KNSTRN: variants seen among roughly 807,000 people sequenced by gnomAD.
KNSTRN encodes kinetochore localized astrin (SPAG5) binding protein, also known as small kinetochore-associated protein.
A neutral mutation model predicts 44.7 loss-of-function variants in KNSTRN; 38 were observed. That is an observed-to-expected ratio of 0.85 (90% confidence interval 0.66 to 1.11). KNSTRN has a LOEUF of 1.11. Ranked by LOEUF, KNSTRN falls within the 50% of genes most tolerant of loss-of-function variation. The pLI is 0.00. For synonymous variants in KNSTRN, 158 were observed against 148.1 expected, an observed-to-expected ratio of 1.07 and a Z score of -0.48; for missense variants, 406 against 375.8, an observed-to-expected ratio of 1.08 and a Z score of -0.66.
chr15:40,391,991 G>GA lies in KNSTRN; in HGVS notation c.793dup (p.Thr265AsnfsTer33), dbSNP rs556621893. ...GCAAGAGGAGCTGAAGCTTTTTAAC[G>GA]AAACAGCCAAAAAGCAGATGGAGGA... is the stretch of plus-strand genomic sequence containing the variant. On this transcript the variant is annotated frameshift_variant, in exon 8 of 9. Coordinates refer to ENST00000249776, the MANE Select transcript of KNSTRN (RefSeq NM_033286.4). LOFTEE classifies it high-confidence loss of function. 1.2e-6 allele frequency: 2 copies of GA among 1,611,314 alleles called. No homozygotes were observed. Among genetic ancestry groups the GA allele is most frequent in the East Asian group, 2.2e-5 (1 of 44,592 alleles).
At chr15:40,389,476 C>T in intron 4 of KNSTRN, 30 bp from the exon 5 acceptor site, 8 of 1,556,550 alleles carry the variant, frequency 5.1e-6, no homozygotes, top group Non-Finnish European at 7.1e-6. Context: ...ACCCTTTTAT[C>T]TTTTCATGTA....
rs1473628997 is a variant in KNSTRN, at chr15:40,389,145, TTTTC to T, written c.486-353_486-350del. On this transcript the variant is annotated intron_variant, in intron 4 of 8. Transcript: ENST00000249776. ...GTTTGTGTAACTCTGTAGGCCGTAT[TTTTC>T]TTTCTTTTTTTTTTAGACGGAGTTT... 2.2e-5 allele frequency: 10 copies of T among 456,630 alleles called. 1 individual carries two copies. Among genetic ancestry groups the T allele is most frequent in the African/African-American group, 8.0e-5 (4 of 50,166 alleles). 28.3% of individuals were successfully genotyped at this position (456,630 alleles called of 1,614,324 possible). A position where few individuals can be genotyped will look rare whatever the true frequency, so the allele number is the denominator to read the frequency against.
chr15:40,389,977 T>G (rs1344567505), intron 6 of KNSTRN, 48 bp downstream of exon 6: 43 of 1,470,462 alleles, frequency 2.9e-5, no homozygotes, highest in Non-Finnish European at 3.9e-5. Context: ...TTGGTGCATG[T>G]GCCCCTTCCG....
At chr15:40,386,334 A>G in intron 2 of KNSTRN, 28 bp from the exon 3 acceptor site, 1 of 1,605,734 alleles carries the variant, frequency 6.2e-7, no homozygotes, top group Non-Finnish European at 8.5e-7. Context: ...ATGATGCCAG[A>G]AGCTTTACCT....
intron 2 of KNSTRN, among the ~76,000 whole-genome samples, chr15:40,385,933 C>T (rs1373868457): frequency 6.6e-6 from 1 of 152,178 alleles, no homozygotes; most frequent in Non-Finnish European, 1.5e-5. Context: ...AATTAATCTT[C>T]ACATGTTGAA....
At chr15:40,391,671 G>A (rs2141276291) in intron 7 of KNSTRN, 117 bp downstream of exon 7, 1 of 870,098 alleles carries the variant, frequency 1.1e-6, no homozygotes, top group Non-Finnish European at 1.8e-6. Flanking sequence ...GATTATCTGT[G>A]ATGCTAGAAA....
chr15:40,382,763 C>G lies in KNSTRN; in HGVS notation c.-73C>G. On this transcript the variant is annotated 5_prime_UTR_variant, in exon 1 of 9. Coordinates refer to ENST00000249776, the MANE Select transcript of KNSTRN (RefSeq NM_033286.4). ...CTACAAATTGCATCACCCTCCTCCT[C>G]TGCCCAGACCTGGGGGCTCCAACAC... 7.3e-7 allele frequency: 1 copy of G among 1,372,296 alleles called. No homozygotes were observed. Among genetic ancestry groups the G allele is most frequent in the Non-Finnish European group, 1.0e-6 (1 of 993,766 alleles). The allele number at this position is 1,372,296 out of a possible 1,614,324, so 85.0% of individuals were successfully genotyped here. A position where few individuals can be genotyped will look rare whatever the true frequency, so the allele number is the denominator to read the frequency against.
rs142745139 is a variant in KNSTRN, at chr15:40,393,698, C to T, written c.*101C>T. 338 of 1,103,116 alleles carry T rather than the reference C, an allele frequency of 3.1e-4. 1 individual carries two copies. The African/African-American group carries it at 4.5e-3, about 15-fold the overall frequency. 68.3% of individuals were successfully genotyped at this position (1,103,116 alleles called of 1,614,324 possible). A position where few individuals can be genotyped will look rare whatever the true frequency, so the allele number is the denominator to read the frequency against. On this transcript the variant is annotated 3_prime_UTR_variant, in exon 9 of 9. Transcript: ENST00000249776. ...CATGATCTTCTGGGACTCACCATCT[C>T]CAGAATGAAAACAATTTCTACAGTA...
chr15:40,383,136 C>T (rs1301429468), intron 1 of KNSTRN, 92 bp downstream of exon 1: 1 of 1,582,850 alleles, frequency 6.3e-7, no homozygotes, highest in African/African-American at 1.3e-5. Context: ...CAACCCCGAG[C>T]CGGGGCCTGT....
rs1243202656 is a variant in KNSTRN, at chr15:40,386,405, G to A, written c.348G>A (p.Arg116=). Residue 116 remains arginine, a synonymous_variant, in exon 3 of 9, where the codon AGG becomes AGA. Coordinates refer to ENST00000249776, the MANE Select transcript of KNSTRN (RefSeq NM_033286.4). The part of the protein sequence containing the change: ...RATSKSLLPV[R]SKEVDVSKQL... ...CTTCTAAGAGTCTCTTACCTGTTAG[G>A]TCCAAAGAAGTCGATGTTTCCAAAC... The A allele has an allele frequency of 5.6e-6, 9 of 1,614,066 alleles. No individual in the cohort carries two copies. Among genetic ancestry groups the A allele is most frequent in the Admixed American group, 1.7e-5 (1 of 60,014 alleles).
intron 2 of KNSTRN, chr15:40,384,641 A>G: frequency 3.0e-6 from 1 of 334,136 alleles, no homozygotes; most frequent in Non-Finnish European, 6.0e-6. Context: ...TCCCAGCTTT[A>G]TGATCATATG....
intron 3 of KNSTRN, chr15:40,386,794 A>G (rs1889910556): frequency 4.0e-6 from 2 of 502,664 alleles, no homozygotes. Flanking sequence ...CAGGGTGGGG[A>G]CTAGTTGTTA....
At chr15:40,392,963 T>C (rs910895677) in intron 8 of KNSTRN, among the ~76,000 whole-genome samples, 2 of 152,016 alleles carry the variant, frequency 1.3e-5, no homozygotes, top group Non-Finnish European at 2.9e-5. Flanking sequence ...CTATTAACTA[T>C]ATTCCAAGTC....
At chr15:40,390,192 A>G (rs144438817) in intron 6 of KNSTRN, among the ~76,000 whole-genome samples, 4 of 152,376 alleles carry the variant, frequency 2.6e-5, no homozygotes, top group Non-Finnish European at 5.9e-5. Flanking sequence ...GCCAACAGGT[A>G]TGACCTTGCA....
At chr15:40,387,078 A>C in intron 3 of KNSTRN, 81 bp from the exon 4 acceptor site, 1 of 1,033,996 alleles carries the variant, frequency 9.7e-7, no homozygotes. Context: ...TCAGAAACTC[A>C]AGCTCTTTGT....
In KNSTRN at chr15:40,388,904, TAG is replaced by T. The variant is rs879799672; in HGVS notation, c.486-599_486-598del. On this transcript the variant is annotated intron_variant, in intron 4 of 8. Transcript: ENST00000249776. ...GCCTGCTCCCAACAATTGGTGATAT[TAG>T]AGTTTATTAGATGATAAACTAACAT... 1.1e-3 allele frequency among the ~76,000 whole-genome samples: 165 copies of T among 152,166 alleles called. 1 individual carries two copies. The highest frequency in any genetic ancestry group is 8.2e-4 in the Non-Finnish European group (56 of 68,036).
intron 8 of KNSTRN, chr15:40,393,196 G>A: frequency 1.2e-6 from 2 of 1,613,818 alleles, no homozygotes; most frequent in Admixed American, 3.3e-5. Context: ...GTTTCAGATT[G>A]CTTGGATGAA....
At position 40,389,980 on chromosome 15, in the gene KNSTRN, C is replaced by G. The variant is rs746335299; in HGVS notation, c.685+51C>G. On this transcript the variant is annotated intron_variant, in intron 6 of 8. Transcript: ENST00000249776. ...CCTTTGAAGGAATTGGTGCATGTGC[C>G]CCTTCCGGGGTTGATCTTGGCAGCA... The G allele has an allele frequency of 3.7e-5, 54 of 1,442,480 alleles. No individual in the cohort carries two copies. In the South Asian group the frequency reaches 5.7e-4, roughly 15 times the overall value. 89.4% of individuals were successfully genotyped at this position (1,442,480 alleles called of 1,614,324 possible). A position where few individuals can be genotyped will look rare whatever the true frequency, so the allele number is the denominator to read the frequency against.
At chr15:40,386,954 G>T in intron 3 of KNSTRN, 2 of 598,862 alleles carry the variant, frequency 3.3e-6, no homozygotes, top group Non-Finnish European at 3.0e-6. Context: ...GTGGTCGGAG[G>T]CATGCCCCTT....
Sources: gnomAD v4.1 joint callset for allele counts (sites outside exome capture counted in the v4.1 genomes callset) on GRCh38, gnomAD v4.1.1 for gene constraint, MANE v1.5 for transcripts, NCBI Gene and HGNC (gene_info 2026-07-23, HGNC 2026-07-21) for gene names.